DLGAP1: variants seen among roughly 807,000 people sequenced by gnomAD.
The protein encoded by DLGAP1 is disks large-associated protein 1.
In DLGAP1, 11 loss-of-function variants were observed where a neutral mutation model predicts 90.8. The ratio of observed to expected loss-of-function variants is 0.12; its 90% CI spans 0.08 to 0.20. The LOEUF (loss-of-function observed/expected upper bound fraction) is 0.20. Among genes scored for constraint, DLGAP1 ranks in the 10% least tolerant of loss-of-function variants. DLGAP1 has a pLI of 1.00. For missense variants in DLGAP1, 1,050 were observed against 1,333.8 expected (o/e 0.79, Z 3.31); for synonymous variants, 558 against 540.7 (o/e 1.03, Z -0.44).
intron 7 of DLGAP1, among the ~76,000 whole-genome samples, chr18:3,649,403 G>A (rs1445947122): frequency 6.6e-6 from 1 of 152,226 alleles, no homozygotes; most frequent in Non-Finnish European, 1.5e-5. Flanking sequence ...TCAAAGGGGA[G>A]AAGCAAGGAT....
intron 9 of DLGAP1, among the ~76,000 whole-genome samples, chr18:3,538,482 G>C (rs138350442): frequency 2.6e-5 from 4 of 152,028 alleles, no homozygotes; most frequent in African/African-American, 7.2e-5. Context: ...ACAATTTTGC[G>C]AAAGTGGTTC....
intron 2 of DLGAP1, among the ~76,000 whole-genome samples, chr18:4,047,394 C>T (rs2075070011): frequency 6.6e-6 from 1 of 152,130 alleles, no homozygotes; most frequent in Non-Finnish European, 1.5e-5. Context: ...TTAGTTATAA[C>T]CAAAAATTGT....
At chr18:3,592,688 A>G (rs2056317089) in intron 7 of DLGAP1, among the ~76,000 whole-genome samples, 2 of 151,416 alleles carry the variant, frequency 1.3e-5, no homozygotes, top group African/African-American at 4.9e-5. Flanking sequence ...AACCCAAACA[A>G]CAACAACTAG....
intron 2 of DLGAP1, among the ~76,000 whole-genome samples, chr18:4,110,515 C>T (rs2075954526): frequency 6.6e-6 from 1 of 152,168 alleles, no homozygotes; most frequent in Non-Finnish European, 1.5e-5. Flanking sequence ...ATAAAAAATA[C>T]TGTGCACAGG....
intron 1 of DLGAP1, among the ~76,000 whole-genome samples, chr18:4,255,032 T>A (rs1304314213): frequency 6.6e-6 from 1 of 152,064 alleles, no homozygotes; most frequent in Non-Finnish European, 1.5e-5. Flanking sequence ...GATGGACTAG[T>A]GAGGAAACCA....
At chr18:4,257,135 T>C (rs2078904088) in intron 1 of DLGAP1, among the ~76,000 whole-genome samples, 1 of 152,242 alleles carries the variant, frequency 6.6e-6, no homozygotes, top group African/African-American at 2.4e-5. Context: ...CTGATAATTG[T>C]GTAAACCACT....
intron 9 of DLGAP1, 150 bp downstream of exon 9, chr18:3,567,340 T>C (rs1026547178): frequency 3.1e-6 from 2 of 647,530 alleles, no homozygotes; most frequent in African/African-American, 3.7e-5. Flanking sequence ...CAGGAGAGAA[T>C]CAACTAATAT....
chr18:3,965,694 T>A (rs906855568), intron 3 of DLGAP1, among the ~76,000 whole-genome samples: 2 of 152,062 alleles, frequency 1.3e-5, no homozygotes, highest in Admixed American at 6.5e-5. Context: ...ACATCTGTAA[T>A]CCCAGCATTT....
chr18:4,336,944 CAA>C (rs78000211), intron 1 of DLGAP1, among the ~76,000 whole-genome samples: 88,231 of 117,984 alleles, frequency 0.75, 32,893 homozygotes, highest in Non-Finnish European at 0.77. Flanking sequence ...ACTGAAAATA[CAA>C]AAAAAAAAAA....
intron 5 of DLGAP1, among the ~76,000 whole-genome samples, chr18:3,750,697 C>G (rs1015002062): frequency 2.0e-5 from 3 of 152,208 alleles, no homozygotes; most frequent in Admixed American, 1.3e-4. Flanking sequence ...GGTGAATCCT[C>G]TTAACCACAG....
At chr18:3,600,775 G>GATATATAGAT (rs1568278031) in intron 7 of DLGAP1, among the ~76,000 whole-genome samples, 2 of 11,112 alleles carry the variant, frequency 1.8e-4, no homozygotes, top group East Asian at 1.5e-3. Context: ...GATATATATA[G>GATATATAGAT]ATATATAGAT....
chr18:3,915,140 T>A (rs1487459506), intron 3 of DLGAP1, among the ~76,000 whole-genome samples: 1 of 152,244 alleles, frequency 6.6e-6, no homozygotes, highest in Non-Finnish European at 1.5e-5. Context: ...TTTATATGCC[T>A]GTTTGCCATT....
At chr18:4,371,823 A>G (rs1326978775) in intron 1 of DLGAP1, among the ~76,000 whole-genome samples, 1 of 152,194 alleles carries the variant, frequency 6.6e-6, no homozygotes, top group Non-Finnish European at 1.5e-5. Context: ...TTGCTGCAGT[A>G]CTTAATCCTG....
chr18:4,296,313 CACACAGAAACACAT>C (rs2079980350), intron 1 of DLGAP1, among the ~76,000 whole-genome samples: 1 of 152,148 alleles, frequency 6.6e-6, no homozygotes, highest in Non-Finnish European at 1.5e-5. Context: ...CAGGTGCACA[CACACAGAAACACAT>C]ACACACACAC....
chr18:3,977,828 C>T (rs1358887910), intron 3 of DLGAP1: 3 of 389,440 alleles, frequency 7.7e-6, no homozygotes, highest in African/African-American at 6.4e-5. Context: ...TCAGTGTAGC[C>T]CAGGATGCCC....
chr18:3,499,574 A>G lies in DLGAP1; in HGVS notation c.2725-180T>C, dbSNP rs1244673155. Among the ~76,000 whole-genome samples the G allele has an allele frequency of 3.1e-5, 3 of 95,280 alleles. No homozygotes were observed. The highest frequency in any genetic ancestry group is 5.1e-5 in the African/African-American group (1 of 19,598). 62.5% of individuals were successfully genotyped at this position (95,280 alleles called of 152,430 possible). On this transcript the variant is annotated intron_variant, in intron 12 of 12. Coordinates refer to ENST00000315677, the MANE Select transcript of DLGAP1 (RefSeq NM_004746.4). This position sits in a 1 kb window ranked among gnomAD's most constrained non-coding sequence, Gnocchi z 6.4. ...TGGCTTGGGCATTCAAAAGATGCAGAAAAAAAAAAATCCCGGTAAGCTTAA... is the reference window on the plus strand; with the variant it reads ...TGGCTTGGGCATTCAAAAGATGCAGGAAAAAAAAAATCCCGGTAAGCTTAA...
intron 5 of DLGAP1, chr18:3,771,553 A>ACGTGC (rs2064547348): frequency 6.6e-6 from 1 of 152,212 alleles, no homozygotes; most frequent in African/African-American, 2.4e-5. Flanking sequence ...CCCGGGCGGG[A>ACGTGC]CGTGCCGTGT....
chr18:4,062,025 A>G (rs1223943589), intron 2 of DLGAP1, among the ~76,000 whole-genome samples: 1 of 152,180 alleles, frequency 6.6e-6, no homozygotes, highest in Non-Finnish European at 1.5e-5. Flanking sequence ...GTTCATAAAT[A>G]TCAAGCAAAA....
intron 3 of DLGAP1, among the ~76,000 whole-genome samples, chr18:3,907,527 T>C (rs931961290): frequency 6.6e-6 from 1 of 152,044 alleles, no homozygotes; most frequent in Non-Finnish European, 1.5e-5. Flanking sequence ...AAACCTCCAG[T>C]GTAGGCTTGA....
Sources: allele counts gnomAD v4.1 joint callset (sites outside exome capture counted in the v4.1 genomes callset), GRCh38; gene constraint gnomAD v4.1.1; non-coding constraint Gnocchi (gnomAD v3.1); transcripts MANE v1.5; gene names NCBI Gene and HGNC (gene_info 2026-07-23, HGNC 2026-07-21).